The following ODAD3 variants were observed in gnomAD, a reference collection of about 807,000 sequenced individuals.
The protein encoded by ODAD3 is outer dynein arm docking complex subunit 3.
A neutral mutation model predicts 70.9 loss-of-function variants in ODAD3; 57 were observed. That is an observed-to-expected ratio of 0.80 (90% CI 0.65 to 1.00). The LOEUF is 1.00. Among genes scored for constraint, ODAD3 ranks in the 50% least tolerant of loss-of-function variants. ODAD3 has a pLI of 0.00. For missense variants in ODAD3, 797 were observed against 763.9 expected (o/e 1.04, Z -0.51); for synonymous variants, 327 against 315.9 (o/e 1.04, Z -0.37).
chr19:11,430,720 G>A lies in ODAD3; in HGVS notation c.423C>T (p.Tyr141=). The part of the protein sequence containing the change: ...VIREWKWEKP[Y]LKNRTGQALE... ...AAACCTGTCCTGTCCTGTTCTTCAG[G>A]TATGGCTTCTCCCACTTCCATTCGC... The change falls in exon 3 of 13, where the codon TAC becomes TAT. Residue 141 remains tyrosine (Y), a synonymous_variant. Coordinates refer to ENST00000356392, the MANE Select transcript of ODAD3 (RefSeq NM_145045.5). The A allele has an allele frequency of 6.2e-7, 1 of 1,614,048 alleles. No individual in the cohort carries two copies. Among genetic ancestry groups the A allele is most frequent in the Non-Finnish European group, 8.5e-7 (1 of 1,180,008 alleles).
At chr19:11,431,976 G>C (rs1281217358) in intron 1 of ODAD3, among the ~76,000 whole-genome samples, 1 of 147,230 alleles carries the variant, frequency 6.8e-6, no homozygotes, top group Non-Finnish European at 1.5e-5. Context: ...AGCCGGGCAT[G>C]ATGGTGGGTG....
In ODAD3 at chr19:11,422,975, G is replaced by T. The variant is rs1969177663; in HGVS notation, c.1117-114C>A. ...CGCAGGACAGGTGGCCTGAGCTGGC[G>T]CCTTTTGCACAGCAATGTATGGGGA... On this transcript the variant is annotated intron_variant, in intron 8 of 12. Transcript: ENST00000356392. The surrounding 1 kb of genome is among the most constrained non-coding windows in gnomAD (Gnocchi z 4.6). The T allele has an allele frequency of 1.6e-6, 2 of 1,243,918 alleles. No individual in the cohort carries two copies. The highest frequency in any genetic ancestry group is 2.2e-6 in the Non-Finnish European group (2 of 909,858). The allele number at this position is 1,243,918 out of a possible 1,614,324, so 77.1% of individuals were successfully genotyped here. A position where few individuals can be genotyped will look rare whatever the true frequency, so the allele number is the denominator to read the frequency against.
chr19:11,426,378 A>G, intron 6 of ODAD3, 68 bp downstream of exon 6: 3 of 1,610,588 alleles, frequency 1.9e-6, no homozygotes, highest in Non-Finnish European at 2.5e-6. Context: ...GGGACAGCTG[A>G]GGTCAGATTC....
In ODAD3 at chr19:11,421,715, C is replaced by T. The variant is rs151110715; in HGVS notation, c.1552G>A (p.Asp518Asn). ...LKLQAQLQGH[D>N]VQEMLCHIAN... is the part of the protein sequence containing the mutation. ...ATGTGGCACAGCATCTCCTGCACGT[C>T]GTGGCCCTGGAGCTGCGCCTGCAGT... Residue 518 changes from aspartate to asparagine, a missense_variant, in exon 11 of 13, where the codon GAC becomes AAC. By Grantham distance (23) the Asp-to-Asn change is conservative. Coordinates refer to ENST00000356392, the MANE Select transcript of ODAD3 (RefSeq NM_145045.5). 1 of 1,613,330 alleles carries T rather than the reference C, an allele frequency of 6.2e-7. No homozygotes were observed. Among genetic ancestry groups the T allele is most frequent in the African/African-American group, 1.3e-5 (1 of 75,078 alleles).
rs1354706433 is a variant in ODAD3, at chr19:11,427,142, T to G, written c.445-102A>C. The G allele has an allele frequency of 3.8e-6, 5 of 1,302,692 alleles. No homozygotes were observed. The South Asian group carries it at 7.7e-5, about 20-fold the overall frequency. The allele number at this position is 1,302,692 out of a possible 1,614,324, so 80.7% of individuals were successfully genotyped here. ...TCTCCCACACTGTGGCTTCCAGGAC[T>G]CCCCTCTCCCGTTTTCTACCCACCT... On this transcript the variant is annotated intron_variant, in intron 3 of 12. Coordinates refer to ENST00000356392, the MANE Select transcript of ODAD3 (RefSeq NM_145045.5).
rs1464747288 is a variant in ODAD3, at chr19:11,422,231, G to A, written c.1434+240C>T. Among the ~76,000 whole-genome samples, 1 of 152,034 alleles carries A rather than the reference G, an allele frequency of 6.6e-6. No individual in the cohort carries two copies. Among genetic ancestry groups the A allele is most frequent in the Non-Finnish European group, 1.5e-5 (1 of 68,006 alleles). ...CCCTTGGAGGCGGAGCTTGAGACGG[G>A]ACAGGGTCTCTGACGTCTTGGGCTT... On this transcript the variant is annotated intron_variant, in intron 10 of 12. Transcript: ENST00000356392. This position sits in a 1 kb window ranked among gnomAD's most constrained non-coding sequence, Gnocchi z 4.6.
intron 3 of ODAD3, among the ~76,000 whole-genome samples, chr19:11,427,574 T>C (rs1191169459): frequency 6.6e-6 from 1 of 150,594 alleles, no homozygotes; most frequent in Non-Finnish European, 1.5e-5. Flanking sequence ...TTCCATCTCC[T>C]AGGTTCAAGC....
Position 11,422,894 on chromosome 19 carries a change from G to C in ODAD3, c.1117-33C>G. The C allele has an allele frequency of 6.3e-7, 1 of 1,591,060 alleles. No individual in the cohort carries two copies. The highest frequency in any genetic ancestry group is 8.5e-7 in the Non-Finnish European group (1 of 1,174,168). ...CCACCCAGCCCCAGTCAGAGCCAGG[G>C]CCTAGGGAGCGTAGGGGCGCTCCAC... On this transcript the variant is annotated intron_variant, in intron 8 of 12. Transcript: ENST00000356392. This position sits in a 1 kb window ranked among gnomAD's most constrained non-coding sequence, Gnocchi z 4.6.
chr19:11,434,814 T>G lies in ODAD3; in HGVS notation c.203A>C (p.His68Pro), dbSNP rs1969620879. 5 of 1,613,812 alleles carry G rather than the reference T, an allele frequency of 3.1e-6. No homozygotes were observed. Among genetic ancestry groups the G allele is most frequent in the Non-Finnish European group, 4.2e-6 (5 of 1,179,894 alleles). The change falls in exon 1 of 13, where the codon CAC becomes CCC. Residue 68 changes from histidine to proline, a missense_variant. By Grantham distance (77) the His-to-Pro change is moderately conservative (BLOSUM62 -2). Coordinates refer to ENST00000356392, the MANE Select transcript of ODAD3 (RefSeq NM_145045.5). ...TTTATGTAACTCAGCCACCTGAGAGTGCACAGAGGGCTTCCCTGCACCTCT... is the reference window on the plus strand; with the variant it reads ...TTTATGTAACTCAGCCACCTGAGAGGGCACAGAGGGCTTCCCTGCACCTCT... ...FHRGAGKPSV[H>P]SQVAELHKKI...
At chr19:11,421,550 TC>T in intron 11 of ODAD3, 126 bp downstream of exon 11, 1 of 1,274,630 alleles carries the variant, frequency 7.8e-7, no homozygotes, top group African/African-American at 1.5e-5. Flanking sequence ...TCGCCCGTTG[TC>T]CCCGAGACCC....
chr19:11,431,738 T>C (rs1425271153), intron 1 of ODAD3, among the ~76,000 whole-genome samples: 1 of 147,274 alleles, frequency 6.8e-6, no homozygotes, highest in Non-Finnish European at 1.5e-5. Flanking sequence ...ATCGAGACCA[T>C]CCTGGCTAAC....
chr19:11,421,355 G>A, intron 11 of ODAD3, 143 bp from the exon 12 acceptor site: 1 of 792,268 alleles, frequency 1.3e-6, no homozygotes, highest in Non-Finnish European at 2.0e-6. Context: ...CCCTCCTTAA[G>A]CAGGCACCTT....
At position 11,434,836 on chromosome 19, in the gene ODAD3, C is replaced by T; in HGVS notation, c.181G>A (p.Gly61Ser). 6.2e-7 allele frequency: 1 copy of T among 1,614,182 alleles called. No individual in the cohort carries two copies. Among genetic ancestry groups the T allele is most frequent in the Middle Eastern group, 1.6e-4 (1 of 6,062 alleles). ...GRSKGGSFHRGAGKPSVHSQV... is the reference protein window; with the variant it reads ...GRSKGGSFHRSAGKPSVHSQV... ...GAGTGCACAGAGGGCTTCCCTGCAC[C>T]TCTGTGGAAGGATCCTCCCTTGGAA... Residue 61 changes from glycine to serine, a missense_variant, in exon 1 of 13, where the codon GGT becomes AGT. Coordinates refer to ENST00000356392, the MANE Select transcript of ODAD3 (RefSeq NM_145045.5).
chr19:11,421,046 C>T, intron 12 of ODAD3, 82 bp downstream of exon 12: 1 of 1,580,936 alleles, frequency 6.3e-7, no homozygotes. Flanking sequence ...CCCACCTTGG[C>T]CCTGAACAGG....
chr19:11,434,434 AGGCTG>A, intron 1 of ODAD3: 2 of 172,362 alleles, frequency 1.2e-5, no homozygotes, highest in Non-Finnish European at 2.5e-5. Context: ...GCTACTCAAG[AGGCTG>A]AGGCAGGAGA....
At chr19:11,424,963 GTATATATGTA>G (rs1568348487) in intron 7 of ODAD3, among the ~76,000 whole-genome samples, 3 of 119,320 alleles carry the variant, frequency 2.5e-5, no homozygotes, top group Non-Finnish European at 3.4e-5. Context: ...GTACATATGT[GTATATATGTA>G]TATATGTGTA....
rs1458416958 is a variant in ODAD3, at chr19:11,421,123, C to T, written c.1675+5G>A. The T allele has an allele frequency of 3.7e-6, 6 of 1,613,530 alleles. No individual in the cohort carries two copies. In the East Asian group the frequency reaches 1.1e-4, roughly 30 times the overall value. On this transcript the variant is annotated splice_donor_5th_base_variant and intron_variant, in intron 12 of 12. Transcript: ENST00000356392. ...GCACCCCTTCATCCCCCCACCCATA[C>T]TGACCAAAAAACTTGTCCTTGGAAG...
intron 1 of ODAD3, among the ~76,000 whole-genome samples, chr19:11,431,778 C>CAAA (rs34565793): frequency 2.4e-5 from 3 of 127,060 alleles, no homozygotes; most frequent in African/African-American, 8.6e-5. Flanking sequence ...ACTAAAAATA[C>CAAA]AAAAAAAAAA....
intron 3 of ODAD3, chr19:11,430,460 G>T: frequency 7.8e-6 from 4 of 513,652 alleles, no homozygotes; most frequent in South Asian, 2.9e-5. Context: ...TTTTTAACTT[G>T]TTTTCCCTAT....
Sources: allele counts gnomAD v4.1 joint callset (sites outside exome capture counted in the v4.1 genomes callset), GRCh38; gene constraint gnomAD v4.1.1; non-coding constraint Gnocchi (gnomAD v3.1); transcripts MANE v1.5; gene names NCBI Gene and HGNC (gene_info 2026-07-23, HGNC 2026-07-21).